Variants in EPS15 observed in about 807,000 individuals in gnomAD.
The protein encoded by EPS15 is epidermal growth factor receptor pathway substrate 15, also known as epidermal growth factor receptor substrate 15.
In EPS15, 72 loss-of-function variants were observed where a neutral mutation model predicts 113.8. The ratio of observed to expected loss-of-function variants is 0.63; its 90% CI spans 0.52 to 0.77. EPS15 has a LOEUF of 0.77. Among genes scored for constraint, EPS15 ranks in the 30% least tolerant of loss-of-function variants. The probability of loss-of-function intolerance (pLI) is 0.00; values close to 1 mark genes in which losing one functional copy is unlikely to be tolerated. For synonymous variants in EPS15, 344 were observed against 363.4 expected (o/e 0.95, Z 0.61); for missense variants, 1,048 against 1,045.8 (o/e 1.00, Z -0.03).
At chr1:51,471,564 T>C (rs1655239760) in intron 4 of EPS15, 126 bp downstream of exon 4, 2 of 714,706 alleles carry the variant, frequency 2.8e-6, no homozygotes. Flanking sequence ...GTTACACACT[T>C]GCCCTAGGCA....
At chr1:51,444,843 T>C in intron 11 of EPS15, 46 bp downstream of exon 11, 1 of 1,547,592 alleles carries the variant, frequency 6.5e-7, no homozygotes, top group Non-Finnish European at 8.9e-7. Context: ...CATAGTATTG[T>C]TCCTTTGAAA....
intron 1 of EPS15, among the ~76,000 whole-genome samples, chr1:51,508,329 A>AGC (rs1644551466): frequency 9.2e-6 from 1 of 108,648 alleles, no homozygotes; most frequent in Non-Finnish European, 1.9e-5. Flanking sequence ...AAAGAGAGAA[A>AGC]GAGAAAGAGA....
intron 17 of EPS15, 38 bp downstream of exon 17, chr1:51,403,381 T>A (rs1183518520): frequency 1.7e-6 from 2 of 1,156,278 alleles, no homozygotes; most frequent in Admixed American, 1.8e-5. Context: ...CCTTCCACCC[T>A]TACAAGTCCC....
At chr1:51,378,935 C>G (rs964437695) in intron 21 of EPS15, among the ~76,000 whole-genome samples, 2 of 152,048 alleles carry the variant, frequency 1.3e-5, no homozygotes, top group African/African-American at 2.4e-5. Flanking sequence ...AAATAATGGC[C>G]AAAACTCCCC....
intron 12 of EPS15, chr1:51,423,099 G>T: frequency 2.8e-6 from 2 of 716,378 alleles, no homozygotes; most frequent in Admixed American, 3.5e-5. Context: ...AACTGTTTTG[G>T]ATACGTAGGC....
intron 1 of EPS15, 31 bp downstream of exon 1, chr1:51,519,168 C>G: frequency 7.0e-7 from 1 of 1,428,560 alleles, no homozygotes; most frequent in Non-Finnish European, 9.3e-7. Flanking sequence ...CACCGGCCGG[C>G]CAAGCCCGGC....
intron 21 of EPS15, among the ~76,000 whole-genome samples, chr1:51,375,204 T>C (rs1267917235): frequency 6.6e-6 from 1 of 151,850 alleles, no homozygotes; most frequent in Non-Finnish European, 1.5e-5. Flanking sequence ...GGTTTCACTG[T>C]GTTAGCTAGG....
At chr1:51,427,914 C>T (rs1651364153) in intron 12 of EPS15, among the ~76,000 whole-genome samples, 1 of 152,060 alleles carries the variant, frequency 6.6e-6, no homozygotes, top group Non-Finnish European at 1.5e-5. Flanking sequence ...AGGATAAACA[C>T]AAAAAGACTC....
chr1:51,369,571 T>C (rs1646596532), intron 21 of EPS15, among the ~76,000 whole-genome samples: 1 of 152,184 alleles, frequency 6.6e-6, no homozygotes, highest in African/African-American at 2.4e-5. Context: ...CATCCCTAAA[T>C]CTCACTATCA....
At chr1:51,468,394 A>G (rs1655003122) in intron 5 of EPS15, 79 bp downstream of exon 5, 5 of 1,050,450 alleles carry the variant, frequency 4.8e-6, no homozygotes, top group Non-Finnish European at 7.4e-6. Context: ...TCCTTTTAAT[A>G]TATTACTTTT....
At chr1:51,410,394 A>G (rs1649595874) in intron 13 of EPS15, among the ~76,000 whole-genome samples, 1 of 148,318 alleles carries the variant, frequency 6.7e-6, no homozygotes, top group South Asian at 2.1e-4. Context: ...ACTGTCTCCA[A>G]AAAAAAAAAA....
chr1:51,388,912 C>G (rs2148396928), intron 21 of EPS15, among the ~76,000 whole-genome samples: 1 of 152,096 alleles, frequency 6.6e-6, no homozygotes, highest in Non-Finnish European at 1.5e-5. Flanking sequence ...GGTACCATTC[C>G]TTCTGAAACT....
chr1:51,460,076 A>G (rs1270647901), intron 8 of EPS15, among the ~76,000 whole-genome samples: 1 of 152,234 alleles, frequency 6.6e-6, no homozygotes, highest in East Asian at 1.9e-4. Context: ...ACTAGACAAA[A>G]TCAGATTAAG....
Position 51,448,154 on chromosome 1 carries a change from A to G in EPS15, c.562-19T>C. 1.3e-6 allele frequency: 2 copies of G among 1,515,056 alleles called. No individual in the cohort carries two copies. The highest frequency in any genetic ancestry group is 1.8e-6 in the Non-Finnish European group (2 of 1,091,578). The allele number at this position is 1,515,056 out of a possible 1,614,324, so 93.9% of individuals were successfully genotyped here. A position where few individuals can be genotyped will look rare whatever the true frequency, so the allele number is the denominator to read the frequency against. ...ACATGGCCTTCAAAATAAATGAACC[A>G]GGGTCATATATATTAAAAGCACTTA... On this transcript the variant is annotated intron_variant, in intron 8 of 24. Coordinates refer to ENST00000371733, the MANE Select transcript of EPS15 (RefSeq NM_001981.3).
intron 23 of EPS15, 144 bp downstream of exon 23, chr1:51,363,722 G>A (rs1646441118): frequency 1.6e-6 from 1 of 611,144 alleles, no homozygotes; most frequent in Non-Finnish European, 2.7e-6. Context: ...CAGCAGTTAG[G>A]TCAGAATGAA....
Position 51,358,699 on chromosome 1 carries a change from G to GTTTTTTTTTTTTT in EPS15, c.2545-1854_2545-1853insAAAAAAAAAAAAA, listed in dbSNP as rs1181151202. Among the ~76,000 whole-genome samples, 59 of 129,324 alleles carry GTTTTTTTTTTTTT rather than the reference G, an allele frequency of 4.6e-4. 2 individuals carry two copies. The highest frequency in any genetic ancestry group is 1.7e-3 in the African/African-American group (57 of 34,340). 84.8% of individuals were successfully genotyped at this position (129,324 alleles called of 152,430 possible). A position where few individuals can be genotyped will look rare whatever the true frequency, so the allele number is the denominator to read the frequency against. ...TTCAAGACTCCTTCCAACCAGATTT[G>GTTTTTTTTTTTTT]TTTTTTTTTGTTTTTTTTTTTTTTT... On this transcript the variant is annotated intron_variant, in intron 24 of 24. Transcript: ENST00000371733.
chr1:51,446,742 A>C (rs1396900859), intron 10 of EPS15, among the ~76,000 whole-genome samples: 1 of 152,196 alleles, frequency 6.6e-6, no homozygotes, highest in Non-Finnish European at 1.5e-5. Context: ...GGCGTGAGCC[A>C]CCATGCCCAG....
At chr1:51,465,215 T>C (rs377369480) in intron 6 of EPS15, 46 bp downstream of exon 6, 5 of 1,149,680 alleles carry the variant, frequency 4.3e-6, no homozygotes, top group African/African-American at 1.5e-5. Context: ...AGAGAGTAGA[T>C]AGGAAGCAAT....
In EPS15 at chr1:51,403,328, A is replaced by G. The variant is rs928688536; in HGVS notation, c.1791+91T>C. On this transcript the variant is annotated intron_variant, in intron 17 of 24. Coordinates refer to ENST00000371733, the MANE Select transcript of EPS15 (RefSeq NM_001981.3). Reference sequence around the variant, plus strand: ...TGTATCTATCATCTGAATAATGTATATTGTACCCATTAAGTAATGTCTGAT... The same window carrying G: ...TGTATCTATCATCTGAATAATGTATGTTGTACCCATTAAGTAATGTCTGAT... 4 of 680,108 alleles carry G rather than the reference A, an allele frequency of 5.9e-6. No individual in the cohort carries two copies. In the Admixed American group the frequency reaches 1.1e-4, roughly 18 times the overall value. The allele number at this position is 680,108 out of a possible 1,614,324, so 42.1% of individuals were successfully genotyped here.
Sources: gnomAD v4.1 joint callset for allele counts (sites outside exome capture counted in the v4.1 genomes callset) on GRCh38, gnomAD v4.1.1 for gene constraint, MANE v1.5 for transcripts, NCBI Gene and HGNC (gene_info 2026-07-23, HGNC 2026-07-21) for gene names.